Variants in LYPD6 observed in about 807,000 individuals in gnomAD.
LYPD6 encodes LY6/PLAUR domain containing 6, also known as ly6/PLAUR domain-containing protein 6.
In LYPD6, 15 loss-of-function variants were observed where a neutral mutation model predicts 22.7. The ratio of observed to expected loss-of-function variants is 0.66; its 90% CI spans 0.44 to 1.02. The LOEUF is 1.02. Among genes scored for constraint, LYPD6 ranks in the 50% least tolerant of loss-of-function variants. The probability of loss-of-function intolerance (pLI) is 0.00; values close to 1 mark genes in which losing one functional copy is unlikely to be tolerated. For synonymous variants in LYPD6, 72 were observed against 77.5 expected (o/e 0.93, Z 0.37); for missense variants, 189 against 208.4 (o/e 0.91, Z 0.57).
chr2:149,394,683 A>T (rs1682389688), intron 1 of LYPD6, among the ~76,000 whole-genome samples: 1 of 152,056 alleles, frequency 6.6e-6, no homozygotes, highest in Non-Finnish European at 1.5e-5. Flanking sequence ...TGGCATGGGT[A>T]TAAATAGATT....
chr2:149,437,200 G>A (rs1329935646), intron 1 of LYPD6, among the ~76,000 whole-genome samples: 1 of 152,128 alleles, frequency 6.6e-6, no homozygotes, highest in African/African-American at 2.4e-5. Context: ...TCCTAAATCT[G>A]AAAGTCTGCC....
At chr2:149,465,408 G>A (rs534356994) in intron 3 of LYPD6, among the ~76,000 whole-genome samples, 2 of 152,124 alleles carry the variant, frequency 1.3e-5, no homozygotes, top group Admixed American at 6.5e-5. Context: ...AGGCAGCTGC[G>A]ACTGGCCTTT....
chr2:149,454,663 ACC>A (rs1233342651), intron 3 of LYPD6, among the ~76,000 whole-genome samples: 1 of 152,108 alleles, frequency 6.6e-6, no homozygotes, highest in Non-Finnish European at 1.5e-5. Context: ...ATACTGCCTG[ACC>A]GTTTGCAAAA....
intron 1 of LYPD6, among the ~76,000 whole-genome samples, chr2:149,394,446 A>C (rs951105302): frequency 1.3e-5 from 2 of 152,206 alleles, no homozygotes; most frequent in Non-Finnish European, 2.9e-5. Flanking sequence ...AGGAAAGCCC[A>C]CCAACTTGGC....
intron 1 of LYPD6, among the ~76,000 whole-genome samples, chr2:149,371,619 A>G (rs990051625): frequency 1.5e-4 from 23 of 152,178 alleles, no homozygotes; most frequent in African/African-American, 5.1e-4. Context: ...TTTCATGGTA[A>G]TAGTCACCAG....
At chr2:149,402,147 A>G (rs1248748768) in intron 1 of LYPD6, among the ~76,000 whole-genome samples, 2 of 151,964 alleles carry the variant, frequency 1.3e-5, no homozygotes, top group Non-Finnish European at 2.9e-5. Flanking sequence ...AAAAAGAATA[A>G]TAGTCTCCAA....
chr2:149,460,149 A>G (rs917333919), intron 3 of LYPD6, among the ~76,000 whole-genome samples: 4 of 152,218 alleles, frequency 2.6e-5, no homozygotes, highest in African/African-American at 7.2e-5. Context: ...AACAAAAACA[A>G]GACAGAAAAT....
chr2:149,357,329 T>C (rs1004311708), intron 1 of LYPD6, among the ~76,000 whole-genome samples: 3 of 151,870 alleles, frequency 2.0e-5, no homozygotes, highest in African/African-American at 7.3e-5. Context: ...TCTTTTAGGA[T>C]TGAGGGAGGA....
chr2:149,330,531 G>C (rs904025728), upstream of LYPD6: 22 of 149,736 alleles, frequency 1.5e-4, no homozygotes, highest in Admixed American at 1.4e-3. Context: ...TGCCCGGCGC[G>C]AGTGGGAGTG....
In LYPD6 at chr2:149,438,246, C is replaced by A. The variant is rs544017565; in HGVS notation, c.118+420C>A. Among the ~76,000 whole-genome samples, 37 of 152,352 alleles carry A rather than the reference C, an allele frequency of 2.4e-4. 1 individual carries two copies. The South Asian group carries it at 7.3e-3, about 30-fold the overall frequency. Reference sequence around the variant, plus strand: ...TCAGTGTAATTTCCTCCCACAACTTCCAATGTCCTGTGCCTCCTTTTGGTT... The same window carrying A: ...TCAGTGTAATTTCCTCCCACAACTTACAATGTCCTGTGCCTCCTTTTGGTT... On this transcript the variant is annotated intron_variant, in intron 2 of 4. Coordinates refer to ENST00000334166, the MANE Select transcript of LYPD6 (RefSeq NM_194317.5).
In LYPD6 at chr2:149,361,126, G is replaced by A. The variant is rs111346163; in HGVS notation, c.-72+30404G>A. Among the ~76,000 whole-genome samples the A allele has an allele frequency of 9.1e-4, 139 of 152,224 alleles. 2 individuals are homozygous for A. Among genetic ancestry groups the A allele is most frequent in the African/African-American group, 3.1e-3 (128 of 41,528 alleles). ...ATACCCAGATAAATGAGTAAATCTCGAAAGGGTAGATTTGAATTCAGGCTT... is the reference window on the plus strand; with the variant it reads ...ATACCCAGATAAATGAGTAAATCTCAAAAGGGTAGATTTGAATTCAGGCTT... On this transcript the variant is annotated intron_variant, in intron 1 of 4. Transcript: ENST00000334166.
intron 1 of LYPD6, among the ~76,000 whole-genome samples, chr2:149,336,296 A>G (rs1215436710): frequency 2.6e-5 from 4 of 152,220 alleles, no homozygotes; most frequent in African/African-American, 9.6e-5. Context: ...CTAAAGTTGA[A>G]CTATAGAAAT....
intron 2 of LYPD6, among the ~76,000 whole-genome samples, chr2:149,445,750 C>T (rs1047961359): frequency 6.6e-6 from 1 of 152,186 alleles, no homozygotes; most frequent in Non-Finnish European, 1.5e-5. Flanking sequence ...CTGGTTTGAT[C>T]TTCTATCCAG....
chr2:149,472,760 C>G lies in LYPD6; in HGVS notation c.*1910C>G, dbSNP rs549383828. 2 of 152,672 alleles carry G rather than the reference C, an allele frequency of 1.3e-5. No individual in the cohort carries two copies. The highest frequency in any genetic ancestry group is 1.9e-4 in the East Asian group (1 of 5,176). The allele number at this position is 152,672 out of a possible 1,614,324, so 9.5% of individuals were successfully genotyped here. On this transcript the variant is annotated 3_prime_UTR_variant, in exon 5 of 5. Transcript: ENST00000334166. ...AGAATGTTACTAGCATTTACACTTC[C>G]CAAATGAAGGTACCAAAGCTCAAAC...
chr2:149,373,403 T>A (rs1458959476), intron 1 of LYPD6, among the ~76,000 whole-genome samples: 1 of 151,998 alleles, frequency 6.6e-6, no homozygotes, highest in African/African-American at 2.4e-5. Context: ...TGAAATCACT[T>A]TGGGAGAGAG....
At chr2:149,340,748 A>T (rs1323003684) in intron 1 of LYPD6, among the ~76,000 whole-genome samples, 1 of 152,206 alleles carries the variant, frequency 6.6e-6, no homozygotes, top group Non-Finnish European at 1.5e-5. Context: ...ATCTAATAAA[A>T]TTGCTTTGAT....
intron 1 of LYPD6, chr2:149,368,187 G>C (rs924724783): frequency 6.6e-6 from 1 of 152,236 alleles, no homozygotes; most frequent in African/African-American, 2.4e-5. Context: ...CTCAAGGAAG[G>C]CTTCCTGGAA....
rs536753063 is a variant in LYPD6, at chr2:149,396,196, T to C, written c.-71-41442T>C. 2.0e-5 allele frequency among the ~76,000 whole-genome samples: 3 copies of C among 152,324 alleles called. No homozygotes were observed. The South Asian group carries it at 6.2e-4, about 32-fold the overall frequency. On this transcript the variant is annotated intron_variant, in intron 1 of 4. Transcript: ENST00000334166. ...TAACATTTCTTTCCTTTAAGTTATA[T>C]AGAACTCTCTGTGAAATCAACTGTT...
At chr2:149,343,087 T>C (rs541562182) in intron 1 of LYPD6, among the ~76,000 whole-genome samples, 3 of 152,276 alleles carry the variant, frequency 2.0e-5, no homozygotes, top group African/African-American at 7.2e-5. Context: ...AGTTTTCAGC[T>C]AGGACATGCA....
Sources: gnomAD v4.1 joint callset for allele counts (sites outside exome capture counted in the v4.1 genomes callset) on GRCh38, gnomAD v4.1.1 for gene constraint, MANE v1.5 for transcripts, NCBI Gene and HGNC (gene_info 2026-07-23, HGNC 2026-07-21) for gene names.